The following LIAS variants were observed in gnomAD, a reference collection of about 807,000 sequenced individuals.
The protein encoded by LIAS is lipoic acid synthetase, also known as lipoyl synthase, mitochondrial.
Under a neutral mutation model 49.4 loss-of-function variants are expected in LIAS, and 36 were observed. The observed-to-expected ratio is 0.73, with a 90% CI of 0.56 to 0.96. The LOEUF (loss-of-function observed/expected upper bound fraction) is 0.96, where lower values mean the gene tolerates loss of function less well. LIAS is among the 40% of genes least tolerant of loss of function. LIAS has a pLI of 0.00. For synonymous variants in LIAS, 145 were observed against 155.8 expected, an observed-to-expected ratio of 0.93 and a Z score of 0.52; for missense variants, 399 against 456.3, an observed-to-expected ratio of 0.87 and a Z score of 1.14.
At chr4:39,466,695 G>C (rs1379553325) in intron 6 of LIAS, 1 of 151,930 alleles carries the variant, frequency 6.6e-6, no homozygotes, top group Non-Finnish European at 1.5e-5. Context: ...CTGGGCAACA[G>C]AGCAAGACCC....
intron 10 of LIAS, among the ~76,000 whole-genome samples, chr4:39,474,212 G>A (rs1200699570): frequency 2.0e-5 from 3 of 147,078 alleles, no homozygotes; most frequent in Admixed American, 6.9e-5. Flanking sequence ...GCAGTGAGCC[G>A]AGATTGTGCC....
intron 4 of LIAS, among the ~76,000 whole-genome samples, chr4:39,464,396 C>T (rs1368383059): frequency 6.6e-6 from 1 of 151,330 alleles, no homozygotes; most frequent in African/African-American, 2.4e-5. Flanking sequence ...ACACAACAGA[C>T]ACCCTCATAC....
rs779814468 is a variant in LIAS, at chr4:39,459,072, G to A, written c.-46G>A. On this transcript the variant is annotated 5_prime_UTR_variant, in exon 1 of 11. Coordinates refer to ENST00000640888, the MANE Select transcript of LIAS (RefSeq NM_006859.4). Reference sequence around the variant, plus strand: ...AATTTCGACCTGTCCTTTCCCGGGAGTTAGCGATCCCTCAACCCCTGCACT... The same window carrying A: ...AATTTCGACCTGTCCTTTCCCGGGAATTAGCGATCCCTCAACCCCTGCACT... 4 of 1,610,086 alleles carry A rather than the reference G, an allele frequency of 2.5e-6. No individual in the cohort carries two copies. In the Admixed American group the frequency reaches 6.7e-5, roughly 27 times the overall value.
chr4:39,469,907 T>A, intron 7 of LIAS, 112 bp from the exon 8 acceptor site: 1 of 946,728 alleles, frequency 1.1e-6, no homozygotes, highest in Non-Finnish European at 1.6e-6. Flanking sequence ...TTGAACTATG[T>A]GATTTAAGAT....
In LIAS at chr4:39,466,303, A is replaced by AT. The variant is rs1403431705; in HGVS notation, c.608+967dup. 3.3e-5 allele frequency: 5 copies of AT among 152,190 alleles called. No individual in the cohort carries two copies. In the East Asian group the frequency reaches 9.6e-4, roughly 29 times the overall value. 9.4% of individuals were successfully genotyped at this position (152,190 alleles called of 1,614,324 possible). On this transcript the variant is annotated intron_variant, in intron 6 of 10. Transcript: ENST00000640888. ...TTTGGCACCTAAGCGCACTTAGTAA[A>AT]TTTTTTAAATGATTCCCTAGTATTT... is the stretch of plus-strand genomic sequence containing the variant.
intron 5 of LIAS, 41 bp from the exon 6 acceptor site, chr4:39,465,244 A>T (rs1462281706): frequency 1.2e-6 from 2 of 1,612,420 alleles, no homozygotes; most frequent in African/African-American, 2.7e-5. Context: ...CTGGCTCTAA[A>T]TGATGACATC....
chr4:39,473,360 G>T, intron 10 of LIAS, 149 bp downstream of exon 10: 1 of 544,954 alleles, frequency 1.8e-6, no homozygotes, highest in Non-Finnish European at 3.3e-6. Context: ...ATCCTTAGGA[G>T]CTTTGCTCCA....
chr4:39,471,917 G>T (rs1023764740), intron 9 of LIAS, among the ~76,000 whole-genome samples: 2 of 151,976 alleles, frequency 1.3e-5, no homozygotes, highest in African/African-American at 2.4e-5. Context: ...ACCCGCCTCA[G>T]CCTTCCAAAG....
rs943564525 is a variant in LIAS, at chr4:39,470,158, A to G, written c.877A>G (p.Met293Val). Residue 293 changes from methionine (M) to valine (V), a missense_variant, in exon 8 of 11, where the codon ATG becomes GTG. Transcript: ENST00000640888. ...GAATGATGAGCAAGTATATGCAACAATGAAAGGTAAAGAAATTGAAAAATG... is the reference window on the plus strand; with the variant it reads ...GAATGATGAGCAAGTATATGCAACAGTGAAAGGTAAAGAAATTGAAAAATG... ...GENDEQVYATMKALREADVDC... is the reference protein window; with the variant it reads ...GENDEQVYATVKALREADVDC... 2.5e-6 allele frequency: 4 copies of G among 1,608,600 alleles called. No individual in the cohort carries two copies. Among genetic ancestry groups the G allele is most frequent in the African/African-American group, 2.7e-5 (2 of 74,810 alleles).
chr4:39,469,180 A>G (rs1020764251), intron 7 of LIAS: 8 of 152,344 alleles, frequency 5.3e-5, no homozygotes, highest in African/African-American at 1.9e-4. Context: ...AACAATAACC[A>G]CCATTTTCAC....
intron 6 of LIAS, 63 bp from the exon 7 acceptor site, chr4:39,467,455 A>G (rs1028772620): frequency 2.6e-5 from 38 of 1,452,620 alleles, no homozygotes; most frequent in Non-Finnish European, 3.3e-5. Context: ...GATAATTTCT[A>G]TTTTGAGGAA....
rs1370730719 is a variant in LIAS, at chr4:39,465,041, T to C, written c.394-5T>C. ...TTCATTTAAATTGTAACATTTCTAT[T>C]CTAGTTGATGGGTGACACATGTACA... On this transcript the variant is annotated splice_polypyrimidine_tract_variant and splice_region_variant and intron_variant, in intron 4 of 10. Transcript: ENST00000640888. 1.2e-6 allele frequency: 2 copies of C among 1,609,722 alleles called. No homozygotes were observed. Among genetic ancestry groups the C allele is most frequent in the East Asian group, 2.2e-5 (1 of 44,832 alleles).
intron 1 of LIAS, 89 bp from the exon 2 acceptor site, chr4:39,460,701 T>C: frequency 8.9e-7 from 1 of 1,119,348 alleles, no homozygotes; most frequent in Admixed American, 2.6e-5. Context: ...CTTTTTTGGC[T>C]TTACCCTTCC....
At chr4:39,471,912 C>T (rs1745003767) in intron 9 of LIAS, among the ~76,000 whole-genome samples, 1 of 152,050 alleles carries the variant, frequency 6.6e-6, no homozygotes, top group South Asian at 2.1e-4. Flanking sequence ...GATCCACCCG[C>T]CTCAGCCTTC....
Position 39,471,293 on chromosome 4 carries a change from G to A in LIAS, c.941G>A (p.Arg314Lys). The stretch of plus-strand genomic sequence containing the variant: ...TTAGGACAATATATGCAGCCAACAA[G>A]GCGTCACCTTAAGGTACATGTATCT... ...LTLGQYMQPT[R>K]RHLKVEEYIT... Residue 314 changes from arginine (R) to lysine (K), a missense_variant, in exon 9 of 11, where the codon AGG becomes AAG. Around this residue, in one of 3 missense-constraint regions of LIAS, gnomAD observed 234 missense variants for 292.2 expected, o/e 0.80. Coordinates refer to ENST00000640888, the MANE Select transcript of LIAS (RefSeq NM_006859.4). 1 of 1,608,824 alleles carries A rather than the reference G, an allele frequency of 6.2e-7. No individual in the cohort carries two copies. The highest frequency in any genetic ancestry group is 8.5e-7 in the Non-Finnish European group (1 of 1,176,918).
rs1243760001 is a variant in LIAS, at chr4:39,477,101, A to G, written c.1105A>G (p.Thr369Ala). ...FLKNLVAKRKTKDL is the reference protein window; with the variant it reads ...FLKNLVAKRKAKDL Reference sequence around the variant, plus strand: ...GAAAAATCTAGTGGCTAAAAGAAAAACAAAAGACCTCTAAAACTTCAACAA... The same window carrying G: ...GAAAAATCTAGTGGCTAAAAGAAAAGCAAAAGACCTCTAAAACTTCAACAA... Residue 369 changes from threonine (T) to alanine (A), a missense_variant, in exon 11 of 11, where the codon ACA becomes GCA. Around this residue, in one of 3 missense-constraint regions of LIAS, gnomAD observed 234 missense variants for 292.2 expected, o/e 0.80. Transcript: ENST00000640888. 1 of 1,598,676 alleles carries G rather than the reference A, an allele frequency of 6.3e-7. No homozygotes were observed. Among genetic ancestry groups the G allele is most frequent in the Non-Finnish European group, 8.5e-7 (1 of 1,174,646 alleles).
At chr4:39,468,493 G>GAAAAAAAA (rs71643297) in intron 7 of LIAS, 8 of 128,750 alleles carry the variant, frequency 6.2e-5, no homozygotes, top group African/African-American at 1.2e-4. Context: ...AAAGAGAAAG[G>GAAAAAAAA]AAAAAAAAAA....
In LIAS at chr4:39,470,065, C is replaced by A; in HGVS notation, c.784C>A (p.Leu262Met). Residue 262 changes from leucine (L) to methionine (M), a missense_variant, in exon 8 of 11, where the codon CTG becomes ATG. Coordinates refer to ENST00000640888, the MANE Select transcript of LIAS (RefSeq NM_006859.4). ...CAATTTTGATCAGTCCCTACGTGTA[C>A]TGAAACATGCCAAGAAGGTTCAGCC... ...RANFDQSLRV[L>M]KHAKKVQPDV... 1 of 1,614,038 alleles carries A rather than the reference C, an allele frequency of 6.2e-7. No individual in the cohort carries two copies. Among genetic ancestry groups the A allele is most frequent in the Non-Finnish European group, 8.5e-7 (1 of 1,179,946 alleles).
chr4:39,472,066 C>T (rs1745008802), intron 9 of LIAS, among the ~76,000 whole-genome samples: 1 of 151,834 alleles, frequency 6.6e-6, no homozygotes, highest in South Asian at 2.1e-4. Context: ...TTGTATGTTA[C>T]ATGTACTTAT....
Sources: gnomAD v4.1 joint callset for allele counts (sites outside exome capture counted in the v4.1 genomes callset) on GRCh38, gnomAD v4.1.1 for gene constraint, gnomAD v4.1.1 regional missense constraint, MANE v1.5 for transcripts, NCBI Gene and HGNC (gene_info 2026-07-23, HGNC 2026-07-21) for gene names.